The following SVIL variants were observed in gnomAD, a reference collection of about 807,000 sequenced individuals.
SVIL encodes archvillin.
SVIL carries 101 observed loss-of-function variants against 240.4 expected under a neutral mutation model. That is an observed-to-expected ratio of 0.42 (90% CI 0.36 to 0.50). The LOEUF (loss-of-function observed/expected upper bound fraction) is 0.50, where lower values mean the gene tolerates loss of function less well. Ranked by LOEUF, SVIL falls within the 20% of genes least tolerant of loss-of-function variation. The pLI is 0.01. For missense variants in SVIL, 2,512 were observed against 2,818.7 expected (o/e 0.89, Z 2.46); for synonymous variants, 999 against 1,100.0 (o/e 0.91, Z 1.82).
rs138296260 is a variant in SVIL, at chr10:29,719,968, A to T, written c.-400+15783T>A. On this transcript the variant is annotated intron_variant, in intron 1 of 35. Coordinates refer to the SVIL transcript ENST00000375400. ...ATAAACCCAAAGATCCAAGGAGCTC[A>T]TTTAATTCCAAGCACAAGAAATATA... Among the ~76,000 whole-genome samples, 3 of 152,356 alleles carry T rather than the reference A, an allele frequency of 2.0e-5. No homozygotes were observed. The East Asian group carries it at 5.8e-4, about 29-fold the overall frequency.
At chr10:29,638,089 G>A (rs775064338), upstream of SVIL, among the ~76,000 whole-genome samples, 1 of 152,150 alleles carries the variant, frequency 6.6e-6, no homozygotes, top group Non-Finnish European at 1.5e-5. Flanking sequence ...TGTTATCACT[G>A]GAGAAACTGG....
chr10:29,638,578 T>C (rs1392727120), upstream of SVIL, among the ~76,000 whole-genome samples: 1 of 152,134 alleles, frequency 6.6e-6, no homozygotes, highest in Non-Finnish European at 1.5e-5. Flanking sequence ...TGTAAATGGG[T>C]GACTTACTGT....
intron 1 of SVIL, among the ~76,000 whole-genome samples, chr10:29,707,190 T>A (rs887881307): frequency 2.0e-5 from 3 of 152,196 alleles, no homozygotes; most frequent in African/African-American, 7.2e-5. Flanking sequence ...TCAGTGGTAG[T>A]TTGATGGGAA....
In SVIL at chr10:29,471,172, C is replaced by G. The variant is rs144990955; in HGVS notation, c.5601G>C (p.Ser1867=). 6.2e-7 allele frequency: 1 copy of G among 1,613,926 alleles called. No homozygotes were observed. Among genetic ancestry groups the G allele is most frequent in the Non-Finnish European group, 8.5e-7 (1 of 1,179,972 alleles). Residue 1867 remains serine (S), a synonymous_variant, in exon 31 of 38, where the codon TCG becomes TCC. Coordinates refer to ENST00000355867, the MANE Select transcript of SVIL (RefSeq NM_021738.3). ...QCFQGGMVVH[S]GRREEEEENV... ...TTTCTTCTTCCTCTTCCCGCCTCCCCGAGTGCACCACCATCCCCCCCTGGA... is the reference window on the plus strand; with the variant it reads ...TTTCTTCTTCCTCTTCCCGCCTCCCGGAGTGCACCACCATCCCCCCCTGGA...
chr10:29,462,219 T>C lies in SVIL; in HGVS notation c.6402+58A>G, dbSNP rs187680444. On this transcript the variant is annotated intron_variant, in intron 36 of 37. Coordinates refer to ENST00000355867, the MANE Select transcript of SVIL (RefSeq NM_021738.3). ...TTGGATGCTCTCCCCAAAGTAAAGT[T>C]AACCCACAATCCAAAAGGCGCAGGA... 27 of 1,570,778 alleles carry C rather than the reference T, an allele frequency of 1.7e-5. No homozygotes were observed. In the East Asian group the frequency reaches 2.7e-4, roughly 16 times the overall value.
chr10:29,713,432 A>C (rs1017266030), intron 1 of SVIL, among the ~76,000 whole-genome samples: 1 of 152,190 alleles, frequency 6.6e-6, no homozygotes, highest in Non-Finnish European at 1.5e-5. Flanking sequence ...TTCTGGAACA[A>C]AGCTATTGCT....
Position 29,554,794 on chromosome 10 carries a change from C to A in SVIL, c.149G>T (p.Ser50Ile). The change falls in exon 5 of 38, where the codon AGC becomes ATC. Residue 50 changes from serine to isoleucine, a missense_variant. Ser to Ile is a moderately radical substitution (Grantham distance 142). Coordinates refer to ENST00000355867, the MANE Select transcript of SVIL (RefSeq NM_021738.3). ...AGCTCCACGCTCACCGATGTGGGGG[C>A]TGGCAGGGTCGCTGGCTCTCATGTA... ...PRYMRASDPASPHIGRSNEEE... is the reference protein window; with the variant it reads ...PRYMRASDPAIPHIGRSNEEE... The A allele has an allele frequency of 1.2e-6, 2 of 1,601,078 alleles. No homozygotes were observed. The highest frequency in any genetic ancestry group is 1.7e-5 in the Admixed American group (1 of 57,796).
intron 1 of SVIL, among the ~76,000 whole-genome samples, chr10:29,696,043 G>A (rs866104057): frequency 1.6e-4 from 24 of 151,170 alleles, no homozygotes; most frequent in Admixed American, 2.0e-4. Flanking sequence ...GCTCTCTGCA[G>A]CCTCCCTGCC....
chr10:29,579,450 CAAACAAACA>C (rs1212132917), intron 1 of SVIL, among the ~76,000 whole-genome samples: 3 of 151,378 alleles, frequency 2.0e-5, no homozygotes, highest in Non-Finnish European at 3.0e-5. Flanking sequence ...AAAAACAAAA[CAAACAAACA>C]AAACAAAAAA....
chr10:29,683,558 G>A (rs916551366), intron 2 of SVIL, among the ~76,000 whole-genome samples: 5 of 152,332 alleles, frequency 3.3e-5, no homozygotes, highest in African/African-American at 1.2e-4. Flanking sequence ...GCCAAGAGGA[G>A]GGGTTCATTC....
At chr10:29,681,844 C>A (rs1960679448) in intron 2 of SVIL, among the ~76,000 whole-genome samples, 1 of 152,152 alleles carries the variant, frequency 6.6e-6, no homozygotes, top group Non-Finnish European at 1.5e-5. Context: ...TTGTTTATTT[C>A]AACAGATGCA....
intron 2 of SVIL, chr10:29,671,140 C>T (rs922571018): frequency 2.0e-5 from 3 of 152,176 alleles, no homozygotes; most frequent in Admixed American, 6.5e-5. Context: ...CTGGAACCGT[C>T]CAAACCTTGA....
chr10:29,633,673 T>C (rs539706409), intron 1 of SVIL, among the ~76,000 whole-genome samples: 1 of 152,318 alleles, frequency 6.6e-6, no homozygotes, highest in Admixed American at 6.5e-5. Context: ...CTTTTTTTTT[T>C]TTCAAAGAAG....
At chr10:29,550,461 A>G in intron 6 of SVIL, 136 bp downstream of exon 6, 2 of 1,098,616 alleles carry the variant, frequency 1.8e-6, no homozygotes, top group Non-Finnish European at 2.5e-6. Flanking sequence ...AAAAAAAAGA[A>G]TCATATACTA....
intron 1 of SVIL, among the ~76,000 whole-genome samples, chr10:29,687,241 T>C (rs1961141151): frequency 6.6e-6 from 1 of 152,266 alleles, no homozygotes; most frequent in East Asian, 1.9e-4. Flanking sequence ...TTATCTTCCC[T>C]GGTATAGAAC....
At chr10:29,622,022 G>A (rs1487394878) in intron 1 of SVIL, among the ~76,000 whole-genome samples, 7 of 151,534 alleles carry the variant, frequency 4.6e-5, no homozygotes, top group South Asian at 2.1e-4. Flanking sequence ...AGGCCGAGGC[G>A]GGCGGATCAC....
At chr10:29,471,112 G>T in intron 31 of SVIL, 26 bp downstream of exon 31, 1 of 1,595,134 alleles carries the variant, frequency 6.3e-7, no homozygotes, top group Non-Finnish European at 8.6e-7. Context: ...AGGCAAAGTC[G>T]AATTCCAGCA....
chr10:29,663,121 T>C (rs761089209), intron 2 of SVIL, among the ~76,000 whole-genome samples: 1 of 151,926 alleles, frequency 6.6e-6, no homozygotes, highest in Non-Finnish European at 1.5e-5. Context: ...TCTTAAATAA[T>C]AGTAATAATA....
chr10:29,526,397 C>A (rs113165498), intron 13 of SVIL, among the ~76,000 whole-genome samples: 11,097 of 150,802 alleles, frequency 0.074, 443 homozygotes, highest in South Asian at 0.11. Context: ...CTCTGCCTCC[C>A]AGGTTCAAGC....
Sources: allele counts gnomAD v4.1 joint callset (sites outside exome capture counted in the v4.1 genomes callset), GRCh38; gene constraint gnomAD v4.1.1; transcripts MANE v1.5; gene names NCBI Gene and HGNC (gene_info 2026-07-23, HGNC 2026-07-21).